The following IFT43 variants were observed in gnomAD, a reference collection of about 807,000 sequenced individuals.
The protein encoded by IFT43 is intraflagellar transport 43.
In IFT43, 33 loss-of-function variants were observed where a neutral mutation model predicts 32.3. That is an observed-to-expected ratio of 1.02 (90% confidence interval 0.77 to 1.37). The LOEUF is 1.37. Ranked by LOEUF, IFT43 falls within the 40% of genes most tolerant of loss-of-function variation. IFT43 has a pLI of 0.00. For missense variants in IFT43, 274 were observed against 265.9 expected (o/e 1.03, Z -0.21); for synonymous variants, 93 against 98.2 (o/e 0.95, Z 0.31).
chr14:75,991,323 T>C (rs1461639536), intron 2 of IFT43, among the ~76,000 whole-genome samples: 1 of 150,590 alleles, frequency 6.6e-6, no homozygotes, highest in East Asian at 1.9e-4. Context: ...AAGAGTGATA[T>C]ATACATAAAT....
chr14:76,075,595 C>G (rs2037399138), intron 5 of IFT43, among the ~76,000 whole-genome samples: 1 of 152,184 alleles, frequency 6.6e-6, no homozygotes. Flanking sequence ...CTGACAAGAC[C>G]ATGAAATGCA....
At chr14:76,006,759 A>G (rs1285792910) in intron 2 of IFT43, among the ~76,000 whole-genome samples, 4 of 152,194 alleles carry the variant, frequency 2.6e-5, no homozygotes, top group Admixed American at 1.3e-4. Flanking sequence ...ACACAAACAG[A>G]AATTTGCTTT....
intron 3 of IFT43, among the ~76,000 whole-genome samples, chr14:76,037,876 T>C (rs2036631510): frequency 6.6e-6 from 1 of 152,176 alleles, no homozygotes; most frequent in Non-Finnish European, 1.5e-5. Context: ...TGAGTAAATT[T>C]GGGGCATTTC....
At chr14:76,082,491 C>T in intron 6 of IFT43, 124 bp downstream of exon 6, 1 of 1,277,940 alleles carries the variant, frequency 7.8e-7, no homozygotes, top group Non-Finnish European at 1.1e-6. Flanking sequence ...ATCCAGGGTT[C>T]CCATTTTGTT....
intron 5 of IFT43, among the ~76,000 whole-genome samples, chr14:76,077,189 C>T (rs1386458236): frequency 6.7e-6 from 1 of 150,202 alleles, no homozygotes; most frequent in Non-Finnish European, 1.5e-5. Context: ...TTTGTCTCCA[C>T]ACATCCCTTG....
intron 2 of IFT43, among the ~76,000 whole-genome samples, chr14:76,007,708 A>C (rs886666841): frequency 1.3e-5 from 2 of 152,314 alleles, no homozygotes; most frequent in Middle Eastern, 6.8e-3. Context: ...ACAGAAATGT[A>C]TAGGTTTTGG....
At chr14:76,072,076 T>C (rs1035765283) in intron 5 of IFT43, among the ~76,000 whole-genome samples, 1 of 152,218 alleles carries the variant, frequency 6.6e-6, no homozygotes, top group Non-Finnish European at 1.5e-5. Flanking sequence ...CAGCAGGGCC[T>C]GGGCTGGCTA....
At chr14:76,034,576 A>G (rs2139991721) in intron 3 of IFT43, among the ~76,000 whole-genome samples, 1 of 152,380 alleles carries the variant, frequency 6.6e-6, no homozygotes, top group South Asian at 2.1e-4. Context: ...GGAAAGTGTC[A>G]CCAGTGAGAA....
chr14:76,038,050 A>C (rs1224070592), intron 3 of IFT43: 2 of 152,226 alleles, frequency 1.3e-5, no homozygotes, highest in Non-Finnish European at 2.9e-5. Context: ...AGAAGTATTG[A>C]GAATTGATTT....
intron 5 of IFT43, chr14:76,059,608 C>T (rs2037091896): frequency 1.9e-6 from 1 of 535,466 alleles, no homozygotes; most frequent in Non-Finnish European, 3.4e-6. Context: ...GCCAAAGCAT[C>T]ACTTCCCCTG....
intron 3 of IFT43, among the ~76,000 whole-genome samples, chr14:76,023,230 A>G: frequency 6.6e-6 from 1 of 152,200 alleles, no homozygotes; most frequent in East Asian, 1.9e-4. Flanking sequence ...GGGTGATTCA[A>G]AGACTGAAGG....
intron 2 of IFT43, among the ~76,000 whole-genome samples, chr14:76,003,717 T>C (rs1324241750): frequency 6.6e-6 from 1 of 152,174 alleles, no homozygotes; most frequent in Non-Finnish European, 1.5e-5. Context: ...TTTGTGGTAT[T>C]AATAGCATAT....
At chr14:76,014,343 A>G (rs776921300) in intron 2 of IFT43, among the ~76,000 whole-genome samples, 24 of 152,210 alleles carry the variant, frequency 1.6e-4, no homozygotes, top group East Asian at 3.8e-4. Flanking sequence ...TAAAAAAACC[A>G]TATTGTTACA....
intron 2 of IFT43, among the ~76,000 whole-genome samples, chr14:75,996,512 G>A (rs1316979135): frequency 6.6e-6 from 1 of 152,238 alleles, no homozygotes; most frequent in African/African-American, 2.4e-5. Flanking sequence ...TTCTGTCCAA[G>A]ATACAGAGAT....
At position 75,985,810 on chromosome 14, in the gene IFT43, C is replaced by G. The variant is rs759869016; in HGVS notation, c.24C>G (p.Asp8Glu). MEDLLDL[D>E]EELRYSLATS... is the part of the protein sequence containing the mutation. ...AGATGGAGGATTTGCTCGACTTGGA[C>G]GAGGAGCTTCGCTACAGCTTGGCTA... Residue 8 changes from aspartate to glutamate, a missense_variant, in exon 1 of 9, where the codon GAC (aspartate) becomes GAG (glutamate). Transcript: ENST00000314067. 2 of 1,614,028 alleles carry G rather than the reference C, an allele frequency of 1.2e-6. No individual in the cohort carries two copies. Among genetic ancestry groups the G allele is most frequent in the Admixed American group, 1.7e-5 (1 of 60,006 alleles).
chr14:76,032,178 A>G (rs1003184720), intron 3 of IFT43, among the ~76,000 whole-genome samples: 1 of 152,074 alleles, frequency 6.6e-6, no homozygotes, highest in Admixed American at 6.5e-5. Context: ...CTCTCTTTAT[A>G]TCACCCTATT....
intron 1 of IFT43, chr14:75,986,203 C>T: frequency 1.5e-6 from 2 of 1,310,640 alleles, no homozygotes; most frequent in Non-Finnish European, 2.0e-6. Context: ...GCACTCGCTC[C>T]CATCCTAGAG....
At chr14:76,018,300 A>G (rs2036227181) in intron 2 of IFT43, among the ~76,000 whole-genome samples, 1 of 151,798 alleles carries the variant, frequency 6.6e-6, no homozygotes, top group Non-Finnish European at 1.5e-5. Context: ...TAATTTCTTC[A>G]TTGATCCAGT....
chr14:75,988,881 A>AC lies in IFT43; in HGVS notation c.55-3dup. Reference sequence around the variant, plus strand: ...TCAGCAGTGCCTTCTGTTTCTCCTTACAGAGGGCCAAGATGGGTCGCCGAG... The same window carrying AC: ...TCAGCAGTGCCTTCTGTTTCTCCTTACCAGAGGGCCAAGATGGGTCGCCGAG... On this transcript the variant is annotated splice_polypyrimidine_tract_variant and splice_region_variant and intron_variant, in intron 1 of 8. Transcript: ENST00000314067. The AC allele has an allele frequency of 9.9e-6, 16 of 1,613,800 alleles. No individual in the cohort carries two copies. Among genetic ancestry groups the AC allele is most frequent in the Non-Finnish European group, 1.4e-5 (16 of 1,179,946 alleles).
Sources: gnomAD v4.1 joint callset for allele counts (sites outside exome capture counted in the v4.1 genomes callset) on GRCh38, gnomAD v4.1.1 for gene constraint, MANE v1.5 for transcripts, NCBI Gene and HGNC (gene_info 2026-07-23, HGNC 2026-07-21) for gene names.